Variants in DNAJC6 observed in about 807,000 individuals in gnomAD.
The protein encoded by DNAJC6 is DnaJ heat shock protein family (Hsp40) member C6, also known as auxilin.
Under a neutral mutation model 110.0 loss-of-function variants are expected in DNAJC6, and 34 were observed. The ratio of observed to expected loss-of-function variants is 0.31; its 90% CI spans 0.24 to 0.41. The LOEUF (loss-of-function observed/expected upper bound fraction) is 0.41, where lower values mean the gene tolerates loss of function less well. Among genes scored for constraint, DNAJC6 ranks in the 10% least tolerant of loss-of-function variants. The probability of loss-of-function intolerance (pLI) is 1.00; values close to 1 mark genes in which losing one functional copy is unlikely to be tolerated. For synonymous variants in DNAJC6, 406 were observed against 437.2 expected (o/e 0.93, Z 0.89); for missense variants, 1,031 against 1,207.8 (o/e 0.85, Z 2.17).
At chr1:65,282,108 G>T (rs1032673568) in intron 1 of DNAJC6, among the ~76,000 whole-genome samples, 1 of 151,952 alleles carries the variant, frequency 6.6e-6, no homozygotes, top group Non-Finnish European at 1.5e-5. Context: ...TCATTTTTTT[G>T]TAGAGACAAA....
At chr1:65,409,416 A>G (rs776257590) in intron 17 of DNAJC6, among the ~76,000 whole-genome samples, 9 of 152,154 alleles carry the variant, frequency 5.9e-5, no homozygotes, top group South Asian at 2.1e-4. Flanking sequence ...TGATATGGCA[A>G]TATAGATTTC....
At chr1:65,402,713 A>G (rs909859685) in intron 15 of DNAJC6, among the ~76,000 whole-genome samples, 3 of 152,244 alleles carry the variant, frequency 2.0e-5, no homozygotes, top group African/African-American at 7.2e-5. Flanking sequence ...ATTTAGAGCC[A>G]GATGGAGGGA....
At chr1:65,350,429 G>A (rs1180883746) in intron 1 of DNAJC6, among the ~76,000 whole-genome samples, 2 of 151,982 alleles carry the variant, frequency 1.3e-5, no homozygotes, top group Non-Finnish European at 2.9e-5. Flanking sequence ...TAAAGTTCTT[G>A]TCTACTAATT....
rs1463475119 is a variant in DNAJC6, at chr1:65,414,203, G to A, written c.*1178G>A. The stretch of plus-strand genomic sequence containing the variant: ...AAAGTGGTTGGGGATCCACAGGAAC[G>A]ACATTCATACAGGGACATTTGTGAA... On this transcript the variant is annotated 3_prime_UTR_variant, in exon 19 of 19. Transcript: ENST00000371069. 2 of 152,210 alleles carry A rather than the reference G, an allele frequency of 1.3e-5. No individual in the cohort carries two copies. The highest frequency in any genetic ancestry group is 2.1e-4 in the South Asian group (1 of 4,832). The allele number at this position is 152,210 out of a possible 1,614,324, so 9.4% of individuals were successfully genotyped here.
At chr1:65,411,708 C>T (rs1557569874) in intron 18 of DNAJC6, among the ~76,000 whole-genome samples, 1 of 138,538 alleles carries the variant, frequency 7.2e-6, no homozygotes, top group Admixed American at 7.3e-5. Flanking sequence ...GTGGCTCATG[C>T]CTGTAATCCC....
At chr1:65,271,756 G>C (rs548323984) in intron 1 of DNAJC6, among the ~76,000 whole-genome samples, 5 of 151,790 alleles carry the variant, frequency 3.3e-5, no homozygotes, top group Middle Eastern at 3.4e-3. Context: ...TGTAATCCTA[G>C]CTACTCGGGA....
At chr1:65,350,724 G>C (rs1352989495) in intron 1 of DNAJC6, among the ~76,000 whole-genome samples, 2 of 152,202 alleles carry the variant, frequency 1.3e-5, no homozygotes, top group African/African-American at 4.8e-5. Flanking sequence ...TTTATTCCAA[G>C]GTGTAGTCCT....
intron 13 of DNAJC6, 75 bp from the exon 14 acceptor site, chr1:65,398,738 A>G (rs1016630506): frequency 2.7e-6 from 4 of 1,504,002 alleles, no homozygotes; most frequent in African/African-American, 1.4e-5. Flanking sequence ...ATGGAATGGC[A>G]TTATCCTGTG....
At chr1:65,405,502 T>G (rs983659864) in intron 15 of DNAJC6, among the ~76,000 whole-genome samples, 2 of 152,088 alleles carry the variant, frequency 1.3e-5, no homozygotes, top group Non-Finnish European at 2.9e-5. Flanking sequence ...GCTCAGAAGA[T>G]GGAAGGGTGG....
exon 1 of DNAJC6, chr1:65,264,772 C>T (rs1653258554): frequency 1.4e-6 from 2 of 1,477,344 alleles, no homozygotes. Context: ...GACTTGCATG[C>T]AATTATCATA....
intron 1 of DNAJC6, among the ~76,000 whole-genome samples, chr1:65,284,428 C>T (rs984038115): frequency 2.0e-5 from 3 of 152,208 alleles, no homozygotes; most frequent in African/African-American, 7.2e-5. Context: ...TTCCCTTCGT[C>T]TGTTCTCCTT....
chr1:65,405,890 A>C lies in DNAJC6; in HGVS notation c.2248A>C (p.Lys750Gln). 6.2e-7 allele frequency: 1 copy of C among 1,605,298 alleles called. No individual in the cohort carries two copies. The highest frequency in any genetic ancestry group is 8.5e-7 in the Non-Finnish European group (1 of 1,175,232). ...TTTAGGTAGTTCTTCCTTTGCCAGCAAACCCACCACACCAACTGGATTGGG... is the reference window on the plus strand; with the variant it reads ...TTTAGGTAGTTCTTCCTTTGCCAGCCAACCCACCACACCAACTGGATTGGG... ...GTLGSSSFAS[K>Q]PTTPTGLGGG... The change falls in exon 16 of 19, where the codon AAA becomes CAA. Residue 750 changes from lysine to glutamine, a missense_variant. By Grantham distance (53) the Lys-to-Gln change is moderately conservative (BLOSUM62 1). Coordinates refer to ENST00000371069, the MANE Select transcript of DNAJC6 (RefSeq NM_001256864.2).
intron 16 of DNAJC6, 124 bp downstream of exon 16, chr1:65,406,257 A>C: frequency 7.5e-7 from 1 of 1,336,298 alleles, no homozygotes; most frequent in Non-Finnish European, 1.0e-6. Context: ...TTTCTGAGGG[A>C]ATCTTATAGT....
chr1:65,324,896 A>G (rs1645228520), intron 1 of DNAJC6, among the ~76,000 whole-genome samples: 1 of 152,200 alleles, frequency 6.6e-6, no homozygotes, highest in Admixed American at 6.5e-5. Flanking sequence ...TTCCTGCCCA[A>G]AATGTCAATA....
chr1:65,362,401 A>G (rs1466902976), intron 1 of DNAJC6, among the ~76,000 whole-genome samples: 1 of 152,174 alleles, frequency 6.6e-6, no homozygotes, highest in South Asian at 2.1e-4. Flanking sequence ...TGAAAATCTT[A>G]TATATTGCAA....
Position 65,408,688 on chromosome 1 carries a change from G to A in DNAJC6, c.2539G>A (p.Gly847Ser). Residue 847 changes from glycine (G) to serine (S), a missense_variant, in exon 17 of 19, where the codon GGT becomes AGT. Gly to Ser is a moderately conservative substitution (Grantham distance 56). Transcript: ENST00000371069. The stretch of plus-strand genomic sequence containing the variant: ...TTTTGAAGACCTACTCTCTGGTCAA[G>A]GTTTCAATGCTCACAAAGACAAAAA... ...ADFEDLLSGQ[G>S]FNAHKDKKGP... 6.2e-7 allele frequency: 1 copy of A among 1,614,032 alleles called. No homozygotes were observed. The highest frequency in any genetic ancestry group is 8.5e-7 in the Non-Finnish European group (1 of 1,179,954).
At chr1:65,357,800 C>T (rs559119175) in intron 1 of DNAJC6, among the ~76,000 whole-genome samples, 25 of 152,284 alleles carry the variant, frequency 1.6e-4, no homozygotes, top group African/African-American at 5.5e-4. Context: ...AAGGAGGTCT[C>T]TACAGCTGTT....
At chr1:65,285,667 G>A (rs558179354) in intron 1 of DNAJC6, among the ~76,000 whole-genome samples, 1 of 151,918 alleles carries the variant, frequency 6.6e-6, no homozygotes, top group South Asian at 2.1e-4. Flanking sequence ...TGTATTTTAG[G>A]TTTTTTGTTT....
intron 1 of DNAJC6, among the ~76,000 whole-genome samples, chr1:65,275,184 C>T (rs74080372): frequency 0.02 from 3,070 of 152,064 alleles, 93 homozygotes; most frequent in African/African-American, 0.071. Flanking sequence ...TCATTTCTTT[C>T]GGATTTTTTG....
Sources: gnomAD v4.1 joint callset for allele counts (sites outside exome capture counted in the v4.1 genomes callset) on GRCh38, gnomAD v4.1.1 for gene constraint, MANE v1.5 for transcripts, NCBI Gene and HGNC (gene_info 2026-07-23, HGNC 2026-07-21) for gene names.